Variants in MARCHF1 observed in about 807,000 individuals in gnomAD.
MARCHF1 encodes the protein membrane associated ring-CH-type finger 1, also known as E3 ubiquitin-protein ligase MARCHF1.
A neutral mutation model predicts 54.2 loss-of-function variants in MARCHF1; 40 were observed. The observed-to-expected ratio is 0.74, with a 90% CI of 0.57 to 0.96. MARCHF1 has a LOEUF of 0.96. Ranked by LOEUF, MARCHF1 falls within the 40% of genes least tolerant of loss-of-function variation. The probability of loss-of-function intolerance (pLI) is 0.00; values close to 1 mark genes in which losing one functional copy is unlikely to be tolerated. For missense variants in MARCHF1, 586 were observed against 656.5 expected (o/e 0.89, Z 1.17); for synonymous variants, 236 against 236.3 (o/e 1.00, Z 0.01).
At chr4:163,981,107 C>A (rs961752148) in intron 3 of MARCHF1, among the ~76,000 whole-genome samples, 1 of 151,732 alleles carries the variant, frequency 6.6e-6, no homozygotes, top group Non-Finnish European at 1.5e-5. Flanking sequence ...TATCTGTTTC[C>A]TGCAGCGTTG....
intron 1 of MARCHF1, among the ~76,000 whole-genome samples, chr4:164,338,193 CTT>C (rs1415657161): frequency 6.6e-6 from 1 of 152,068 alleles, no homozygotes; most frequent in East Asian, 1.9e-4. Flanking sequence ...CTGTAAGACT[CTT>C]ATAACTTATA....
chr4:163,710,168 T>C (rs895254375), intron 4 of MARCHF1, among the ~76,000 whole-genome samples: 3 of 152,128 alleles, frequency 2.0e-5, no homozygotes, highest in Non-Finnish European at 4.4e-5. Flanking sequence ...AAGGTACTTC[T>C]ATACACCCCT....
intron 1 of MARCHF1, among the ~76,000 whole-genome samples, chr4:164,378,851 AC>A (rs1286816359): frequency 6.6e-6 from 1 of 152,148 alleles, no homozygotes; most frequent in Non-Finnish European, 1.5e-5. Flanking sequence ...AGCTGGGATT[AC>A]AGGCACCTGC....
chr4:164,081,318 T>C (rs1270861349), intron 2 of MARCHF1, among the ~76,000 whole-genome samples: 1 of 150,876 alleles, frequency 6.6e-6, no homozygotes, highest in African/African-American at 2.4e-5. Context: ...AATATAATTA[T>C]GTCAGCAGAT....
intron 1 of MARCHF1, among the ~76,000 whole-genome samples, chr4:164,218,008 C>A (rs1240563231): frequency 2.0e-5 from 3 of 151,988 alleles, no homozygotes; most frequent in African/African-American, 7.2e-5. Flanking sequence ...CTTAGACATT[C>A]TTTAAAATAT....
intron 1 of MARCHF1, among the ~76,000 whole-genome samples, chr4:164,333,687 A>T (rs1464117897): frequency 6.6e-6 from 1 of 152,202 alleles, no homozygotes; most frequent in Non-Finnish European, 1.5e-5. Context: ...TAAGCCTACA[A>T]TGGCCTCTAA....
At chr4:163,864,178 GA>G (rs1750002276) in intron 3 of MARCHF1, among the ~76,000 whole-genome samples, 1 of 151,932 alleles carries the variant, frequency 6.6e-6, no homozygotes, top group African/African-American at 2.4e-5. Flanking sequence ...TGAAAAGACA[GA>G]AAAATAACTT....
chr4:163,969,171 C>A (rs1232307153), intron 3 of MARCHF1, among the ~76,000 whole-genome samples: 1 of 152,094 alleles, frequency 6.6e-6, no homozygotes, highest in Non-Finnish European at 1.5e-5. Context: ...TCATACACTG[C>A]CAGAGAAAGG....
intron 4 of MARCHF1, among the ~76,000 whole-genome samples, chr4:163,799,242 AC>A (rs1445845676): frequency 2.0e-5 from 3 of 152,138 alleles, no homozygotes; most frequent in Non-Finnish European, 2.9e-5. Flanking sequence ...TATCACAGAG[AC>A]TAGCAGGCCA....
intron 2 of MARCHF1, among the ~76,000 whole-genome samples, chr4:164,013,297 G>A (rs1336592710): frequency 6.6e-6 from 1 of 151,964 alleles, no homozygotes; most frequent in Non-Finnish European, 1.5e-5. Context: ...CACTGATCAA[G>A]CAAGAAAGAA....
At chr4:163,868,384 A>G (rs1425467158) in intron 3 of MARCHF1, among the ~76,000 whole-genome samples, 1 of 151,980 alleles carries the variant, frequency 6.6e-6, no homozygotes, top group Non-Finnish European at 1.5e-5. Context: ...AGGATATGAC[A>G]AAAACTGCAA....
intron 4 of MARCHF1, among the ~76,000 whole-genome samples, chr4:163,742,194 T>C (rs932000358): frequency 4.6e-5 from 7 of 152,208 alleles, no homozygotes. Flanking sequence ...CATCCACCAG[T>C]TGATCTGTGT....
In MARCHF1 at chr4:163,564,854, G is replaced by A. The variant is rs184160149; in HGVS notation, c.1192-19111C>T. Reference sequence around the variant, plus strand: ...TCCTTTAAATCAACCACTCAGCAGCGCAGATCTCTGGGGAAACACTTTTTT... The same window carrying A: ...TCCTTTAAATCAACCACTCAGCAGCACAGATCTCTGGGGAAACACTTTTTT... On this transcript the variant is annotated intron_variant, in intron 8 of 9. Coordinates refer to ENST00000514618, the MANE Select transcript of MARCHF1 (RefSeq NM_001394959.1). 1.8e-3 allele frequency among the ~76,000 whole-genome samples: 274 copies of A among 151,280 alleles called. 1 individual carries two copies. Among genetic ancestry groups the A allele is most frequent in the Non-Finnish European group, 3.2e-3 (218 of 67,984 alleles).
intron 2 of MARCHF1, among the ~76,000 whole-genome samples, chr4:164,081,207 C>CAAAAAA (rs60753810): frequency 0.21 from 3,773 of 18,394 alleles, 1,272 homozygotes; most frequent in Non-Finnish European, 0.28. Context: ...GACGCTGTCT[C>CAAAAAA]AAAAAAAAAA....
chr4:164,031,027 T>G (rs1753866034), intron 2 of MARCHF1, among the ~76,000 whole-genome samples: 1 of 152,178 alleles, frequency 6.6e-6, no homozygotes, highest in South Asian at 2.1e-4. Context: ...CAGAGACAAT[T>G]TGACTTCCTC....
intron 3 of MARCHF1, among the ~76,000 whole-genome samples, chr4:163,893,221 C>T (rs570042968): frequency 6.6e-6 from 1 of 152,192 alleles, no homozygotes; most frequent in East Asian, 1.9e-4. Context: ...CTCACTGCAA[C>T]CTCCGCCTTC....
chr4:164,339,443 T>C (rs1221943855), intron 1 of MARCHF1, among the ~76,000 whole-genome samples: 2 of 152,130 alleles, frequency 1.3e-5, no homozygotes, highest in East Asian at 1.9e-4. Context: ...CTCACAAATA[T>C]GTAGAAATTA....
At chr4:164,027,167 A>G (rs1753786535) in intron 2 of MARCHF1, among the ~76,000 whole-genome samples, 2 of 151,982 alleles carry the variant, frequency 1.3e-5, no homozygotes, top group Admixed American at 6.6e-5. Flanking sequence ...TGACCAAAGC[A>G]ATTTACAGAT....
chr4:163,597,709 A>G (rs958209646), intron 7 of MARCHF1, among the ~76,000 whole-genome samples: 1 of 152,180 alleles, frequency 6.6e-6, no homozygotes, highest in East Asian at 1.9e-4. Flanking sequence ...GTTAATTAAT[A>G]GATTCATGAA....
Sources: allele counts gnomAD v4.1 joint callset (sites outside exome capture counted in the v4.1 genomes callset), GRCh38; gene constraint gnomAD v4.1.1; transcripts MANE v1.5; gene names NCBI Gene and HGNC (gene_info 2026-07-23, HGNC 2026-07-21).